The following CSAD variants were observed in gnomAD, a reference collection of about 807,000 sequenced individuals.
CSAD encodes the protein P-selectin cytoplasmic tail-associated protein.
A neutral mutation model predicts 61.5 loss-of-function variants in CSAD; 47 were observed. The observed-to-expected ratio is 0.76, with a 90% CI of 0.60 to 0.97. The LOEUF (loss-of-function observed/expected upper bound fraction) is 0.97. Among genes scored for constraint, CSAD ranks in the 50% least tolerant of loss-of-function variants. The probability of loss-of-function intolerance (pLI) is 0.00; values close to 1 mark genes in which losing one functional copy is unlikely to be tolerated. For missense variants in CSAD, 611 were observed against 643.6 expected, an observed-to-expected ratio of 0.95 and a Z score of 0.55; for synonymous variants, 245 against 252.7, an observed-to-expected ratio of 0.97 and a Z score of 0.29.
In CSAD at chr12:53,160,837, A is replaced by G; in HGVS notation, c.892T>C (p.Ser298Pro). 1 of 1,551,888 alleles carries G rather than the reference A, an allele frequency of 6.4e-7. No individual in the cohort carries two copies. Among genetic ancestry groups the G allele is most frequent in the Non-Finnish European group, 8.7e-7 (1 of 1,147,024 alleles). Reference protein sequence around the residue: ...HLLDGIQRADSVAWNPHKLLA... With the variant: ...HLLDGIQRADPVAWNPHKLLA... ...AGCTTGTGGGGATTCCAGGCCACAG[A>G]GTCAGCCCTGGATGGGGTGGAGCAA... is the stretch of plus-strand genomic sequence containing the variant. The change falls in exon 13 of 17, where the codon TCT becomes CCT. Residue 298 changes from serine to proline, a missense_variant. Physicochemically the swap from Ser to Pro is moderately conservative, Grantham distance 74 (BLOSUM62 -1). Coordinates refer to ENST00000444623, the MANE Select transcript of CSAD (RefSeq NM_001244705.2).
At chr12:53,170,723 T>C in intron 8 of CSAD, 1 of 163,044 alleles carries the variant, frequency 6.1e-6, no homozygotes, top group Non-Finnish European at 1.2e-5. Flanking sequence ...CATTTGTTTG[T>C]TTTTTTTTTT....
chr12:53,162,948 C>T (rs1192087175), intron 10 of CSAD, among the ~76,000 whole-genome samples: 2 of 151,804 alleles, frequency 1.3e-5, no homozygotes, highest in East Asian at 3.9e-4. Flanking sequence ...GTAATCCCAG[C>T]TACTCTGGAG....
At chr12:53,167,010 T>A (rs1940018261) in intron 10 of CSAD, among the ~76,000 whole-genome samples, 1 of 152,184 alleles carries the variant, frequency 6.6e-6, no homozygotes, top group South Asian at 2.1e-4. Flanking sequence ...CAGTTCTTGT[T>A]CATGTAGAGC....
At chr12:53,159,558 G>C (rs1938998409) in intron 16 of CSAD, 65 bp downstream of exon 16, 2 of 1,390,670 alleles carry the variant, frequency 1.4e-6, no homozygotes, top group Non-Finnish European at 1.0e-6. Context: ...CAGCCAACAG[G>C]GGGCAGAAGC....
At chr12:53,165,363 G>A (rs1258498984) in intron 10 of CSAD, among the ~76,000 whole-genome samples, 2 of 150,440 alleles carry the variant, frequency 1.3e-5, no homozygotes, top group African/African-American at 4.9e-5. Flanking sequence ...AAACAAAACA[G>A]AAAATAACAA....
At chr12:53,177,629 A>T (rs899148117) in intron 2 of CSAD, among the ~76,000 whole-genome samples, 1 of 150,860 alleles carries the variant, frequency 6.6e-6, no homozygotes, top group Non-Finnish European at 1.5e-5. Context: ...CCATCTATTT[A>T]TTTATTTATT....
In CSAD at chr12:53,170,486, T is replaced by A; in HGVS notation, c.584A>T (p.Gln195Leu). 1.9e-6 allele frequency: 3 copies of A among 1,613,990 alleles called. No individual in the cohort carries two copies. The highest frequency in any genetic ancestry group is 2.5e-6 in the Non-Finnish European group (3 of 1,179,968). ...AAGTCCCAGAAACGCAGCTCCCTTC[T>A]GGATGGAGTAGTGACACTGTGGGGG... ...FTSKECHYSI[Q>L]KGAAFLGLGT... The change falls in exon 9 of 17, where the codon CAG becomes CTG. Residue 195 changes from glutamine (Q) to leucine (L), a missense_variant. Physicochemically the swap from Gln to Leu is moderately radical, Grantham distance 113. Coordinates refer to ENST00000444623, the MANE Select transcript of CSAD (RefSeq NM_001244705.2).
chr12:53,174,800 A>C (rs1248755688), intron 2 of CSAD, among the ~76,000 whole-genome samples: 1 of 152,128 alleles, frequency 6.6e-6, no homozygotes, highest in Non-Finnish European at 1.5e-5. Flanking sequence ...TCAAAAATAT[A>C]TATATATATG....
At chr12:53,160,031 G>A in intron 14 of CSAD, 89 bp downstream of exon 14, 5 of 1,602,528 alleles carry the variant, frequency 3.1e-6, no homozygotes, top group South Asian at 1.1e-5. Context: ...GAGAGACCGA[G>A]AGAAAAGTAA....
Position 53,172,641 on chromosome 12 carries a change from T to A in CSAD, c.134A>T (p.Glu45Val), listed in dbSNP as rs780185283. 2 of 1,606,392 alleles carry A rather than the reference T, an allele frequency of 1.2e-6. No individual in the cohort carries two copies. Among genetic ancestry groups the A allele is most frequent in the African/African-American group, 2.7e-5 (2 of 74,718 alleles). ...CTTCAGCTCCTCAGGCTCCTTCCAC[T>A]CACAGACCTAGGAAGAGAGCCGGGG... ...KGTSVSQKVC[E>V]WKEPEELKQL... Residue 45 changes from glutamate to valine, a missense_variant, in exon 5 of 17, where the codon GAG (glutamate) becomes GTG (valine). Glu to Val is a moderately radical substitution (Grantham distance 121). Transcript: ENST00000444623.
rs757038943 is a variant in CSAD at position 53,172,534 on chromosome 12, T to C, written c.241A>G (p.Ser81Gly). The C allele has an allele frequency of 3.2e-5, 52 of 1,613,942 alleles. No individual in the cohort carries two copies. Among genetic ancestry groups the C allele is most frequent in the Non-Finnish European group, 4.1e-5 (48 of 1,179,974 alleles). ...LERCRAVIRY[S>G]VKTGHPRFFN... ...AGCCAGGGCCCACCAGTCTTGACAC[T>C]GTAGCGAATCACAGCCCGACACCGC... Residue 81 changes from serine to glycine, a missense_variant, in exon 5 of 17, where the codon AGT (serine) becomes GGT (glycine). Ser to Gly is a moderately conservative substitution (Grantham distance 56, BLOSUM62 0). Transcript: ENST00000444623.
intron 10 of CSAD, among the ~76,000 whole-genome samples, chr12:53,164,199 A>C (rs902045320): frequency 1.3e-5 from 2 of 152,216 alleles, no homozygotes; most frequent in Non-Finnish European, 2.9e-5. Context: ...GATTAGGTTA[A>C]ATATAACACC....
intron 16 of CSAD, 116 bp downstream of exon 16, chr12:53,159,502 ACGCCT>A (rs1265592904): frequency 1.3e-6 from 1 of 756,292 alleles, no homozygotes; most frequent in Non-Finnish European, 2.2e-6. Flanking sequence ...GAGAGCATCC[ACGCCT>A]CAGAGCAAGA....
In CSAD at chr12:53,179,555, T is replaced by A. The variant is rs117998988; in HGVS notation, c.-90-413A>T. 0.019 allele frequency: 9,563 copies of A among 513,232 alleles called. 125 individuals are homozygous for A. The highest frequency in any genetic ancestry group is 0.026 in the Non-Finnish European group (7,582 of 291,790). 31.8% of individuals were successfully genotyped at this position (513,232 alleles called of 1,614,324 possible). ...TAAAAGACTTATTCCTGGTGATGTTTCTTTATCTCTCTCTTTCTCCATTTT... is the reference window on the plus strand; with the variant it reads ...TAAAAGACTTATTCCTGGTGATGTTACTTTATCTCTCTCTTTCTCCATTTT... On this transcript the variant is annotated intron_variant, in intron 1 of 16. Coordinates refer to ENST00000444623, the MANE Select transcript of CSAD (RefSeq NM_001244705.2).
At chr12:53,173,659 G>A in intron 3 of CSAD, 69 bp downstream of exon 3, 7 of 1,446,936 alleles carry the variant, frequency 4.8e-6, no homozygotes, top group Non-Finnish European at 6.8e-6. Flanking sequence ...AGGTGGGAGA[G>A]AAAAGGCAGT....
chr12:53,180,989 A>G (rs1731840494), upstream of CSAD: 1 of 798,878 alleles, frequency 1.3e-6, no homozygotes, highest in South Asian at 2.6e-5. Flanking sequence ...AGGGAGGGGA[A>G]AGGCCGTGCG....
At position 53,171,881 on chromosome 12, in the gene CSAD, C is replaced by G. The variant is rs749989870; in HGVS notation, c.451+1G>C. The G allele has an allele frequency of 3.7e-6, 6 of 1,606,676 alleles. No individual in the cohort carries two copies. The South Asian group carries it at 6.6e-5, about 18-fold the overall frequency. ...GAAAGGTCCTCCTCCTTCTCACAAACCAGGGCAGAAGATTCCGTCCCCAGA... is the reference window on the plus strand; with the variant it reads ...GAAAGGTCCTCCTCCTTCTCACAAAGCAGGGCAGAAGATTCCGTCCCCAGA... On this transcript the variant is annotated splice_donor_variant, in intron 7 of 16. Transcript: ENST00000444623. LOFTEE classifies it high-confidence loss of function.
chr12:53,174,630 C>G (rs917717989), intron 2 of CSAD, among the ~76,000 whole-genome samples: 1 of 151,736 alleles, frequency 6.6e-6, no homozygotes, highest in African/African-American at 2.4e-5. Context: ...CTCATTTCTA[C>G]TAAAAAATAC....
rs200418678 is a variant in CSAD, at chr12:53,160,268, C to T, written c.1018G>A (p.Asp340Asn). Residue 340 changes from aspartate to asparagine, a missense_variant, in exon 14 of 17, where the codon GAC becomes AAC. Physicochemically the swap from Asp to Asn is conservative, Grantham distance 23. Transcript: ENST00000444623. ...TCCAGAGCCACATCGTAGAACTTGTCCTGCTGGAAAAGGTAGCTGGCCTGG... is the reference window on the plus strand; with the variant it reads ...TCCAGAGCCACATCGTAGAACTTGTTCTGCTGGAAAAGGTAGCTGGCCTGG... Reference protein sequence around the residue: ...GSQASYLFQQDKFYDVALDTG... With the variant: ...GSQASYLFQQNKFYDVALDTG... The T allele has an allele frequency of 6.2e-7, 1 of 1,614,236 alleles. No individual in the cohort carries two copies. The highest frequency in any genetic ancestry group is 8.5e-7 in the Non-Finnish European group (1 of 1,180,032).
Sources: gnomAD v4.1 joint callset for allele counts (sites outside exome capture counted in the v4.1 genomes callset) on GRCh38, gnomAD v4.1.1 for gene constraint, MANE v1.5 for transcripts, NCBI Gene and HGNC (gene_info 2026-07-23, HGNC 2026-07-21) for gene names.